Variants in CSMD1 observed in about 807,000 individuals in gnomAD.
CSMD1 encodes CUB and sushi domain-containing protein 1.
In CSMD1, 213 loss-of-function variants were observed where a neutral mutation model predicts 417.5. That is an observed-to-expected ratio of 0.51 (90% CI 0.46 to 0.57). The LOEUF (loss-of-function observed/expected upper bound fraction) is 0.57, where lower values mean the gene tolerates loss of function less well. Ranked by LOEUF, CSMD1 falls within the 20% of genes least tolerant of loss-of-function variation. The pLI is 0.00. For missense variants in CSMD1, 6,923 were observed against 4,529.7 expected, an observed-to-expected ratio of 1.53 and a Z score of -15.17; for synonymous variants, 2,862 against 1,736.8, an observed-to-expected ratio of 1.65 and a Z score of -16.11.
intron 10 of CSMD1, among the ~76,000 whole-genome samples, chr8:3,563,294 G>A (rs187943279): frequency 1.3e-5 from 2 of 151,770 alleles, no homozygotes; most frequent in East Asian, 1.9e-4. Flanking sequence ...ATCTAAAAGT[G>A]TGTAATTTAA....
chr8:3,847,377 G>C (rs538366765), intron 5 of CSMD1, among the ~76,000 whole-genome samples: 21 of 152,220 alleles, frequency 1.4e-4, no homozygotes, highest in African/African-American at 4.8e-4. Flanking sequence ...GTCCCCTCCT[G>C]CTGGCCTCCC....
rs546741120 is a variant in CSMD1, at chr8:4,312,688, C to T, written c.415+107265G>A. ...GGTCAGGAGTTTGAGACCAGCCTGG[C>T]CAACCTGACGAAACCCCATTTCTAC... On this transcript the variant is annotated intron_variant, in intron 3 of 69. Transcript: ENST00000635120. Among the ~76,000 whole-genome samples, 9 of 151,822 alleles carry T rather than the reference C, an allele frequency of 5.9e-5. No individual in the cohort carries two copies. The South Asian group carries it at 1.2e-3, about 21-fold the overall frequency.
At chr8:3,393,633 T>C (rs1418430834) in intron 17 of CSMD1, among the ~76,000 whole-genome samples, 1 of 152,094 alleles carries the variant, frequency 6.6e-6, no homozygotes, top group African/African-American at 2.4e-5. Context: ...ATATGGCACA[T>C]ATACACAATG....
At chr8:4,510,364 T>C (rs1802747887) in intron 2 of CSMD1, among the ~76,000 whole-genome samples, 2 of 108,318 alleles carry the variant, frequency 1.8e-5, no homozygotes, top group South Asian at 5.6e-4. Context: ...TTATATTTTT[T>C]GTAGACAATT....
chr8:4,417,512 A>G (rs1424464706), intron 3 of CSMD1, among the ~76,000 whole-genome samples: 1 of 152,038 alleles, frequency 6.6e-6, no homozygotes, highest in South Asian at 2.1e-4. Context: ...TCCATGTTTT[A>G]GTTAAATAAA....
In CSMD1 at chr8:2,942,497, A is replaced by T. The variant is rs377332641; in HGVS notation, c.10510T>A (p.Phe3504Ile). The stretch of plus-strand genomic sequence containing the variant: ...CTGTGTTTGTAGAGGTAAAATGCAA[A>T]CCCTGATAAAATTAGAGCAAAGAAA... ...VPFFALILSG[F>I]AFYLYKHRTR... is the part of the protein sequence containing the mutation. Residue 3504 changes from phenylalanine (F) to isoleucine (I), a missense_variant, in exon 69 of 70, where the codon TTT becomes ATT. Physicochemically the swap from Phe to Ile is conservative, Grantham distance 21. Transcript: ENST00000635120. 42 of 1,613,038 alleles carry T rather than the reference A, an allele frequency of 2.6e-5. No homozygotes were observed. The highest frequency in any genetic ancestry group is 3.4e-5 in the Non-Finnish European group (40 of 1,179,506).
intron 4 of CSMD1, among the ~76,000 whole-genome samples, chr8:4,020,826 T>A (rs1360027963): frequency 6.6e-6 from 1 of 152,224 alleles, no homozygotes; most frequent in East Asian, 1.9e-4. Context: ...TAATCAAGAG[T>A]TAGCTCACTC....
chr8:4,533,949 T>C lies in CSMD1; in HGVS notation c.302+103393A>G, dbSNP rs150849835. The stretch of plus-strand genomic sequence containing the variant: ...TATATTAATATATAATATACATATT[T>C]ATATATATAAATATAAAATACACTA... On this transcript the variant is annotated intron_variant, in intron 2 of 69. Coordinates refer to ENST00000635120, the MANE Select transcript of CSMD1 (RefSeq NM_033225.6). 5.8e-3 allele frequency among the ~76,000 whole-genome samples: 869 copies of C among 148,886 alleles called. 12 individuals are homozygous for C. Among genetic ancestry groups the C allele is most frequent in the African/African-American group, 0.02 (802 of 40,946 alleles).
intron 5 of CSMD1, among the ~76,000 whole-genome samples, chr8:3,798,567 T>C (rs1453090060): frequency 6.6e-6 from 1 of 151,992 alleles, no homozygotes; most frequent in African/African-American, 2.4e-5. Context: ...TTTTGAGAGG[T>C]GATTGCAATG....
chr8:4,333,458 G>A (rs7820448), intron 3 of CSMD1, among the ~76,000 whole-genome samples: 1 of 151,988 alleles, frequency 6.6e-6, no homozygotes, highest in Non-Finnish European at 1.5e-5. Context: ...CTGAGCCTCA[G>A]TTTCCTTATC....
In CSMD1 at chr8:4,862,925, C is replaced by T. The variant is rs145098906; in HGVS notation, c.85+131407G>A. Among the ~76,000 whole-genome samples the T allele has an allele frequency of 2.2e-3, 335 of 151,980 alleles. 3 individuals are homozygous for T. Among genetic ancestry groups the T allele is most frequent in the African/African-American group, 7.7e-3 (317 of 41,368 alleles). ...GTGGGAGACACAGCACCAAGAGAGG[C>T]TGGAGGGAAACTAAGAGAGATAATG... On this transcript the variant is annotated intron_variant, in intron 1 of 69. Transcript: ENST00000635120.
At chr8:2,987,513 A>G (rs1346292935) in intron 54 of CSMD1, among the ~76,000 whole-genome samples, 1 of 151,674 alleles carries the variant, frequency 6.6e-6, no homozygotes, top group Non-Finnish European at 1.5e-5. Flanking sequence ...TACCTTTTCT[A>G]AAAATCAAAG....
At chr8:3,630,661 G>C (rs1433290277) in intron 7 of CSMD1, among the ~76,000 whole-genome samples, 1 of 152,140 alleles carries the variant, frequency 6.6e-6, no homozygotes, top group East Asian at 1.9e-4. Context: ...ATTTCATTGC[G>C]TTCGAGAAAA....
chr8:4,920,516 T>C (rs962580177), intron 1 of CSMD1, among the ~76,000 whole-genome samples: 4 of 152,174 alleles, frequency 2.6e-5, no homozygotes, highest in Non-Finnish European at 5.9e-5. Context: ...ACTGGGGACC[T>C]GTCCTCAGAA....
At chr8:3,389,952 G>C (rs906091620) in intron 17 of CSMD1, among the ~76,000 whole-genome samples, 2 of 152,150 alleles carry the variant, frequency 1.3e-5, no homozygotes, top group African/African-American at 4.8e-5. Flanking sequence ...GGAGAGTACA[G>C]GACGGGAGGA....
In CSMD1 at chr8:3,012,157, C is replaced by G. The variant is rs545456044; in HGVS notation, c.8029+6320G>C. On this transcript the variant is annotated intron_variant, in intron 52 of 69. Transcript: ENST00000635120. ...TTTATACTAATGTACTCGGATGCAC[C>G]TGTGCATTACTTTGCTCAAAATCTA... Among the ~76,000 whole-genome samples the G allele has an allele frequency of 5.9e-5, 9 of 152,308 alleles. No homozygotes were observed. In the South Asian group the frequency reaches 1.9e-3, roughly 32 times the overall value.
At chr8:3,408,584 A>G (rs1225805484) in intron 13 of CSMD1, among the ~76,000 whole-genome samples, 1 of 152,128 alleles carries the variant, frequency 6.6e-6, no homozygotes, top group Non-Finnish European at 1.5e-5. Flanking sequence ...TTCCTATATC[A>G]TAGGAACAAT....
In CSMD1 at chr8:3,008,176, G is replaced by C. The variant is rs148024935; in HGVS notation, c.8030-8045C>G. Among the ~76,000 whole-genome samples the C allele has an allele frequency of 7.9e-5, 12 of 152,292 alleles. No homozygotes were observed. The East Asian group carries it at 1.7e-3, about 22-fold the overall frequency. ...GAGTATGTCGCAAGCAAAATGTCAG[G>C]AAGAAGGCTCGAGAGGGAGGAAAGG... is the stretch of plus-strand genomic sequence containing the variant. On this transcript the variant is annotated intron_variant, in intron 52 of 69. Transcript: ENST00000635120.
At chr8:3,659,589 T>C (rs181235122) in intron 7 of CSMD1, among the ~76,000 whole-genome samples, 60 of 152,288 alleles carry the variant, frequency 3.9e-4, no homozygotes, top group African/African-American at 1.3e-3. Context: ...GATTCAACTG[T>C]GAATTGGTCC....
Sources: allele counts gnomAD v4.1 joint callset (sites outside exome capture counted in the v4.1 genomes callset), GRCh38; gene constraint gnomAD v4.1.1; transcripts MANE v1.5; gene names NCBI Gene and HGNC (gene_info 2026-07-23, HGNC 2026-07-21).